The following ODF2L variants were observed in gnomAD, a reference collection of about 807,000 sequenced individuals.
The protein encoded by ODF2L is outer dense fiber of sperm tails 2 like.
ODF2L carries 76 observed loss-of-function variants against 86.3 expected under a neutral mutation model. The observed-to-expected ratio is 0.88, with a 90% CI of 0.73 to 1.07. ODF2L has a LOEUF of 1.07. Among genes scored for constraint, ODF2L ranks in the 50% least tolerant of loss-of-function variants. The probability of loss-of-function intolerance (pLI) is 0.00; values close to 1 mark genes in which losing one functional copy is unlikely to be tolerated. For missense variants in ODF2L, 748 were observed against 717.4 expected (o/e 1.04, Z -0.49); for synonymous variants, 241 against 231.3 (o/e 1.04, Z -0.38).
intron 1 of ODF2L, among the ~76,000 whole-genome samples, chr1:86,388,127 T>C (rs796341824): frequency 4.6e-5 from 7 of 152,088 alleles, no homozygotes; most frequent in African/African-American, 1.7e-4. Flanking sequence ...GAAAGTGAAG[T>C]CCAAAAAGAA....
rs1661720002 is a variant in ODF2L, at chr1:86,396,026, T to A, written c.-60+7A>T. ...AAAGTCGCCCCCAACCCAAAAGGCG[T>A]ACTTACGCCCCCGCCGCTGCGTCCG... is the stretch of plus-strand genomic sequence containing the variant. On this transcript the variant is annotated splice_region_variant and intron_variant, in intron 1 of 17. Coordinates refer to ENST00000317336, the Ensembl canonical transcript of ODF2L. The A allele has an allele frequency of 1.3e-5, 2 of 152,232 alleles. No homozygotes were observed. Among genetic ancestry groups the A allele is most frequent in the Admixed American group, 1.3e-4 (2 of 15,276 alleles). The allele number at this position is 152,232 out of a possible 1,614,324, so 9.4% of individuals were successfully genotyped here. A position where few individuals can be genotyped will look rare whatever the true frequency, so the allele number is the denominator to read the frequency against.
chr1:86,390,407 A>G (rs1398759191), intron 1 of ODF2L, among the ~76,000 whole-genome samples: 1 of 149,190 alleles, frequency 6.7e-6, no homozygotes, highest in Non-Finnish European at 1.5e-5. Context: ...CAACAGAGTG[A>G]GACTCCGTCT....
At chr1:86,372,492 G>T in exon 9 of ODF2L, 1 of 1,527,476 alleles carries the variant, frequency 6.5e-7, no homozygotes, top group Non-Finnish European at 8.7e-7. Flanking sequence ...TTCTCATAAT[G>T]ACTTTTCCAG....
intron 1 of ODF2L, among the ~76,000 whole-genome samples, chr1:86,394,474 AAC>A (rs1179025371): frequency 1.3e-5 from 2 of 152,112 alleles, no homozygotes; most frequent in African/African-American, 4.8e-5. Flanking sequence ...AGCAAAAAGT[AAC>A]ACACAAACTT....
chr1:86,352,416 A>C (rs1029797395), intron 17 of ODF2L, among the ~76,000 whole-genome samples: 1 of 152,172 alleles, frequency 6.6e-6, no homozygotes, highest in Non-Finnish European at 1.5e-5. Context: ...CATCCATCTC[A>C]CATGTATATC....
At chr1:86,394,625 C>T (rs1661579168) in intron 1 of ODF2L, among the ~76,000 whole-genome samples, 1 of 151,986 alleles carries the variant, frequency 6.6e-6, no homozygotes, top group Admixed American at 6.6e-5. Flanking sequence ...GAGCAGACCG[C>T]GACCAGATCA....
intron 9 of ODF2L, among the ~76,000 whole-genome samples, chr1:86,371,407 T>A (rs1353195562): frequency 3.9e-5 from 6 of 152,218 alleles, no homozygotes; most frequent in Non-Finnish European, 7.3e-5. Flanking sequence ...TGCTCTTTGC[T>A]ATTCAATAAA....
intron 16 of ODF2L, among the ~76,000 whole-genome samples, chr1:86,353,557 G>A (rs1386290372): frequency 2.0e-5 from 3 of 152,116 alleles, no homozygotes; most frequent in African/African-American, 7.2e-5. Flanking sequence ...AATCAGATAT[G>A]TTTCCTTCTA....
chr1:86,383,281 T>A (rs1053707855), intron 4 of ODF2L, 85 bp from the exon 5 acceptor site: 6 of 579,252 alleles, frequency 1.0e-5, no homozygotes, highest in Non-Finnish European at 1.8e-5. Flanking sequence ...CACTACTCAA[T>A]AAATTAATAT....
intron 1 of ODF2L, among the ~76,000 whole-genome samples, chr1:86,387,912 G>A (rs2031136): frequency 0.32 from 48,136 of 151,752 alleles, 7,754 homozygotes; most frequent in East Asian, 0.41. Flanking sequence ...TTATATGTCT[G>A]TATTACAAAA....
intron 2 of ODF2L, 104 bp downstream of exon 2, chr1:86,386,811 C>A: frequency 1.7e-6 from 1 of 580,746 alleles, no homozygotes; most frequent in Middle Eastern, 4.7e-4. Flanking sequence ...GGAAAAGATA[C>A]TCTTAAAAGA....
chr1:86,368,747 TA>T, intron 10 of ODF2L: 1 of 1,360,340 alleles, frequency 7.4e-7, no homozygotes, highest in Non-Finnish European at 9.6e-7. Context: ...ACAAAAAGTT[TA>T]TGTATGAAAA....
chr1:86,348,323 T>C (rs559707055), downstream of ODF2L: 1 of 151,704 alleles, frequency 6.6e-6, no homozygotes, highest in South Asian at 2.1e-4. Flanking sequence ...TACACCATTA[T>C]TAAAAATTAA....
chr1:86,368,298 T>C (rs1007972314), intron 11 of ODF2L, among the ~76,000 whole-genome samples: 2 of 152,184 alleles, frequency 1.3e-5, no homozygotes, highest in African/African-American at 4.8e-5. Context: ...ATATGTTTGT[T>C]GTATTATTTA....
At chr1:86,381,999 A>T in intron 7 of ODF2L, 1 of 325,344 alleles carries the variant, frequency 3.1e-6, no homozygotes, top group Non-Finnish European at 5.1e-6. Flanking sequence ...TGATTTTTAA[A>T]GTAATTCAAT....
At chr1:86,357,975 A>G in intron 13 of ODF2L, 1 of 985,450 alleles carries the variant, frequency 1.0e-6, no homozygotes, top group Non-Finnish European at 1.2e-6. Flanking sequence ...TGCTAAAAAT[A>G]GGTGAAAAGT....
intron 4 of ODF2L, among the ~76,000 whole-genome samples, chr1:86,384,144 A>C (rs966447567): frequency 3.3e-5 from 5 of 151,820 alleles, no homozygotes; most frequent in African/African-American, 1.2e-4. Context: ...ACAATTCTGA[A>C]ATAATTTTTA....
rs1346416524 is a variant in ODF2L at position 86,353,003 on chromosome 1, G to T, written c.1768-19C>A. ...CAGCAACCTGTAATTTTTATCAAAAGAGTAAAATAAAGTGCTTTCTTTAAA... is the reference window on the plus strand; with the variant it reads ...CAGCAACCTGTAATTTTTATCAAAATAGTAAAATAAAGTGCTTTCTTTAAA... On this transcript the variant is annotated intron_variant, in intron 16 of 17. Transcript: ENST00000317336. The T allele has an allele frequency of 3.4e-6, 5 of 1,454,588 alleles. No individual in the cohort carries two copies. The African/African-American group carries it at 4.3e-5, about 12-fold the overall frequency. 90.1% of individuals were successfully genotyped at this position (1,454,588 alleles called of 1,614,324 possible). A position where few individuals can be genotyped will look rare whatever the true frequency, so the allele number is the denominator to read the frequency against.
chr1:86,376,660 T>C (rs1660195353), intron 7 of ODF2L, among the ~76,000 whole-genome samples: 1 of 152,110 alleles, frequency 6.6e-6, no homozygotes, highest in Non-Finnish European at 1.5e-5. Flanking sequence ...AGAAAGGACC[T>C]TCTTCACATG....
Sources: allele counts gnomAD v4.1 joint callset (sites outside exome capture counted in the v4.1 genomes callset), GRCh38; gene constraint gnomAD v4.1.1; transcripts MANE v1.5; gene names NCBI Gene and HGNC (gene_info 2026-07-23, HGNC 2026-07-21).